ZFAT: variants seen among roughly 807,000 people sequenced by gnomAD.
ZFAT encodes zinc finger protein ZFAT.
A neutral mutation model predicts 117.7 loss-of-function variants in ZFAT; 64 were observed. The ratio of observed to expected loss-of-function variants is 0.54; its 90% CI spans 0.44 to 0.67. ZFAT has a LOEUF of 0.67. ZFAT is among the 30% of genes least tolerant of loss of function. The probability of loss-of-function intolerance (pLI) is 0.00; values close to 1 mark genes in which losing one functional copy is unlikely to be tolerated. For missense variants in ZFAT, 1,433 were observed against 1,584.5 expected, an observed-to-expected ratio of 0.90 and a Z score of 1.62; for synonymous variants, 679 against 615.0, an observed-to-expected ratio of 1.10 and a Z score of -1.54.
intron 11 of ZFAT, among the ~76,000 whole-genome samples, chr8:134,550,523 A>G (rs1823083507): frequency 6.6e-6 from 1 of 152,218 alleles, no homozygotes; most frequent in Non-Finnish European, 1.5e-5. Flanking sequence ...CACAATAAAT[A>G]ACAGTAAATC....
At chr8:134,578,797 T>A (rs891358099) in intron 10 of ZFAT, among the ~76,000 whole-genome samples, 1 of 152,178 alleles carries the variant, frequency 6.6e-6, no homozygotes, top group Non-Finnish European at 1.5e-5. Flanking sequence ...CAGGATTTGC[T>A]AATGGATCAT....
At chr8:134,704,984 G>A (rs887657864) in intron 1 of ZFAT, among the ~76,000 whole-genome samples, 3 of 151,428 alleles carry the variant, frequency 2.0e-5, no homozygotes, top group African/African-American at 4.8e-5. Context: ...AAGCACTTCC[G>A]ATAAATGTAA....
chr8:134,698,039 G>A, intron 1 of ZFAT, among the ~76,000 whole-genome samples: 1 of 151,322 alleles, frequency 6.6e-6, no homozygotes, highest in East Asian at 2.0e-4. Flanking sequence ...GGACCCAACT[G>A]GGGCCAGGTG....
the ZFAT span, among the ~76,000 whole-genome samples, chr8:134,741,123 T>C: frequency 6.6e-6 from 1 of 152,098 alleles, no homozygotes; most frequent in African/African-American, 2.4e-5. Flanking sequence ...CTATATTGAC[T>C]CCTTCCCATC....
chr8:134,600,342 G>A, intron 7 of ZFAT, 94 bp downstream of exon 7: 1 of 1,127,684 alleles, frequency 8.9e-7, no homozygotes, highest in Non-Finnish European at 1.4e-6. Flanking sequence ...TTTCAGGGCT[G>A]ACCTGCAGCA....
intron 7 of ZFAT, among the ~76,000 whole-genome samples, chr8:134,590,701 C>T (rs1826421289): frequency 8.2e-6 from 1 of 122,054 alleles, no homozygotes; most frequent in Non-Finnish European, 1.7e-5. Context: ...ACAACAACAC[C>T]ACGACCACCA....
intron 11 of ZFAT, among the ~76,000 whole-genome samples, chr8:134,549,835 C>T (rs530131325): frequency 5.2e-4 from 79 of 152,236 alleles, no homozygotes; most frequent in Non-Finnish European, 1.0e-3. Flanking sequence ...ACACCAGACC[C>T]CCGTGACCCA....
chr8:134,795,832 C>A, the ZFAT span: 1 of 152,210 alleles, frequency 6.6e-6, no homozygotes, highest in Non-Finnish European at 1.5e-5. Context: ...TGGTGAACAG[C>A]CTCATCTTGT....
intron 1 of ZFAT, among the ~76,000 whole-genome samples, chr8:134,695,900 C>A (rs902760810): frequency 6.6e-6 from 1 of 150,968 alleles, no homozygotes; most frequent in Non-Finnish European, 1.5e-5. Flanking sequence ...CAGGCCCAGG[C>A]GGCATCTCTA....
At chr8:134,711,390 A>G (rs755278863) in intron 1 of ZFAT, among the ~76,000 whole-genome samples, 1 of 152,206 alleles carries the variant, frequency 6.6e-6, no homozygotes, top group Non-Finnish European at 1.5e-5. Context: ...TTTTTGGATT[A>G]GGGATGCTCA....
intron 3 of ZFAT, among the ~76,000 whole-genome samples, chr8:134,623,611 C>T (rs896347093): frequency 4.6e-5 from 7 of 152,220 alleles, no homozygotes; most frequent in Non-Finnish European, 8.8e-5. Flanking sequence ...CTGTGAACTG[C>T]ACTTCCTTGA....
chr8:134,722,102 A>T, the ZFAT span, among the ~76,000 whole-genome samples: 1 of 152,204 alleles, frequency 6.6e-6, no homozygotes, highest in South Asian at 2.1e-4. Flanking sequence ...AGCCCAGTGG[A>T]GGAAGTGATG....
chr8:134,640,750 C>A (rs1426126613), intron 2 of ZFAT, among the ~76,000 whole-genome samples: 1 of 152,154 alleles, frequency 6.6e-6, no homozygotes, highest in African/African-American at 2.4e-5. Flanking sequence ...TAATTCAGAT[C>A]CTCAAGACCA....
chr8:134,781,331 C>T, the ZFAT span, among the ~76,000 whole-genome samples: 1 of 151,970 alleles, frequency 6.6e-6, no homozygotes, highest in Admixed American at 6.6e-5. Context: ...CACTATGTCA[C>T]CCAAGCTGGT....
At chr8:134,556,592 T>A (rs1349666729) in intron 11 of ZFAT, among the ~76,000 whole-genome samples, 8 of 151,972 alleles carry the variant, frequency 5.3e-5, no homozygotes, top group Admixed American at 5.2e-4. Context: ...AAAAGACTCA[T>A]TACACATAGA....
chr8:134,631,044 T>G (rs1829857870), intron 3 of ZFAT, among the ~76,000 whole-genome samples: 1 of 152,222 alleles, frequency 6.6e-6, no homozygotes, highest in African/African-American at 2.4e-5. Context: ...TCTGCATATT[T>G]TAGAGCTTCA....
chr8:134,786,840 C>CT, the ZFAT span, among the ~76,000 whole-genome samples: 7,864 of 137,038 alleles, frequency 0.057, 407 homozygotes, highest in East Asian at 0.33. Flanking sequence ...TGATATCAAG[C>CT]TTTTTTTTTT....
At chr8:134,656,382 C>T (rs1388688411) in intron 2 of ZFAT, among the ~76,000 whole-genome samples, 1 of 152,188 alleles carries the variant, frequency 6.6e-6, no homozygotes, top group South Asian at 2.1e-4. Flanking sequence ...ACCCTATTAG[C>T]TGACGGTGAT....
the ZFAT span, among the ~76,000 whole-genome samples, chr8:134,829,918 T>C: frequency 6.6e-6 from 1 of 152,212 alleles, no homozygotes; most frequent in Non-Finnish European, 1.5e-5. Context: ...GTGTGTATAG[T>C]ATTTCAAAAA....
Sources: allele counts gnomAD v4.1 joint callset (sites outside exome capture counted in the v4.1 genomes callset), GRCh38; gene constraint gnomAD v4.1.1; transcripts MANE v1.5; gene names NCBI Gene and HGNC (gene_info 2026-07-23, HGNC 2026-07-21).